The following MEGF10 variants were observed in gnomAD, a reference collection of about 807,000 sequenced individuals.
The protein encoded by MEGF10 is multiple EGF like domains 10, also known as multiple epidermal growth factor-like domains protein 10.
A neutral mutation model predicts 147.5 loss-of-function variants in MEGF10; 86 were observed. The observed-to-expected ratio is 0.58, with a 90% CI of 0.49 to 0.70. The LOEUF is 0.70. Among genes scored for constraint, MEGF10 ranks in the 30% least tolerant of loss-of-function variants. The pLI is 0.00. For missense variants in MEGF10, 1,329 were observed against 1,487.3 expected (o/e 0.89, Z 1.75); for synonymous variants, 478 against 525.5 (o/e 0.91, Z 1.24).
chr5:127,455,854 T>G (rs1580893997), intron 24 of MEGF10, among the ~76,000 whole-genome samples: 1 of 152,066 alleles, frequency 6.6e-6, no homozygotes, highest in East Asian at 1.9e-4. Flanking sequence ...ATCCTCCCAC[T>G]TCAGCCTCCC....
the MEGF10 span, among the ~76,000 whole-genome samples, chr5:127,250,204 T>TAAA: frequency 4.0e-5 from 6 of 151,888 alleles, no homozygotes; most frequent in Admixed American, 6.6e-5. Context: ...TACTATAGAT[T>TAAA]AAAAAAACTT....
At chr5:127,243,972 G>A in the MEGF10 span, among the ~76,000 whole-genome samples, 3 of 152,080 alleles carry the variant, frequency 2.0e-5, no homozygotes, top group Middle Eastern at 3.4e-3. Context: ...GGAGGCAGGC[G>A]GATCACCTGA....
intron 4 of MEGF10, among the ~76,000 whole-genome samples, chr5:127,358,043 G>T (rs1161389067): frequency 6.6e-6 from 1 of 152,190 alleles, no homozygotes; most frequent in Non-Finnish European, 1.5e-5. Flanking sequence ...AGGTTCTGCT[G>T]CCAGCTTTCT....
chr5:127,329,886 A>G (rs1009817410), intron 1 of MEGF10, among the ~76,000 whole-genome samples: 1 of 152,180 alleles, frequency 6.6e-6, no homozygotes, highest in African/African-American at 2.4e-5. Context: ...TGTGATTCTC[A>G]GGTGCAAACC....
chr5:127,450,020 C>T (rs768010960), intron 22 of MEGF10, among the ~76,000 whole-genome samples: 24 of 151,948 alleles, frequency 1.6e-4, no homozygotes, highest in Non-Finnish European at 1.5e-4. Context: ...TCAAAATTAG[C>T]GAGAAGAGCA....
At chr5:127,266,164 T>C in the MEGF10 span, among the ~76,000 whole-genome samples, 1 of 151,906 alleles carries the variant, frequency 6.6e-6, no homozygotes, top group Non-Finnish European at 1.5e-5. Context: ...CCAGCACCAT[T>C]TATTAAATAG....
intron 1 of MEGF10, among the ~76,000 whole-genome samples, chr5:127,304,935 A>G (rs892024398): frequency 6.6e-6 from 1 of 152,190 alleles, no homozygotes; most frequent in Non-Finnish European, 1.5e-5. Context: ...ATAAGAAATA[A>G]ATTTCTACTG....
chr5:127,247,441 A>G, the MEGF10 span, among the ~76,000 whole-genome samples: 10,356 of 65,942 alleles, frequency 0.16, 3,190 homozygotes, highest in Middle Eastern at 0.36. Flanking sequence ...GAAGAAGAAG[A>G]AGAAGAAGAA....
intron 1 of MEGF10, among the ~76,000 whole-genome samples, chr5:127,313,140 G>C (rs750149993): frequency 6.6e-6 from 1 of 152,186 alleles, no homozygotes; most frequent in African/African-American, 2.4e-5. Context: ...GATTGTGAAG[G>C]CTGGTTCTCT....
chr5:127,423,326 CCTT>C (rs761699010), intron 13 of MEGF10, among the ~76,000 whole-genome samples: 19 of 152,156 alleles, frequency 1.2e-4, no homozygotes, highest in Non-Finnish European at 1.5e-4. Context: ...GGGAGTTTCT[CCTT>C]ATTTATATAG....
chr5:127,323,719 A>G (rs1312017428), intron 1 of MEGF10, among the ~76,000 whole-genome samples: 1 of 152,220 alleles, frequency 6.6e-6, no homozygotes, highest in Non-Finnish European at 1.5e-5. Context: ...TCTGTGGGCT[A>G]GGAAGTTGAG....
At chr5:127,348,427 C>A (rs1324775173) in intron 4 of MEGF10, among the ~76,000 whole-genome samples, 2 of 151,936 alleles carry the variant, frequency 1.3e-5, no homozygotes, top group African/African-American at 4.8e-5. Context: ...ATCAAAAATA[C>A]TTTTTTGATT....
intron 1 of MEGF10, among the ~76,000 whole-genome samples, chr5:127,315,858 C>A (rs748166550): frequency 1.3e-5 from 2 of 152,130 alleles, no homozygotes; most frequent in African/African-American, 2.4e-5. Context: ...TAATAAAAAT[C>A]TTTTTATTTT....
intron 5 of MEGF10, among the ~76,000 whole-genome samples, chr5:127,391,133 CACACACACACACACACACACA>C (rs1763669539): frequency 7.9e-6 from 1 of 127,120 alleles, no homozygotes; most frequent in African/African-American, 2.7e-5. Flanking sequence ...CACACACACA[CACACACACACACACACACACA>C]TACATGCTTA....
At chr5:127,369,359 T>C (rs373344823) in intron 4 of MEGF10, among the ~76,000 whole-genome samples, 1 of 152,282 alleles carries the variant, frequency 6.6e-6, no homozygotes, top group African/African-American at 2.4e-5. Context: ...CCCAAAGACC[T>C]GGGTGGCATT....
Position 127,331,436 on chromosome 5 carries a change from G to C in MEGF10, c.116+12G>C, listed in dbSNP as rs775584154. The C allele has an allele frequency of 1.9e-5, 28 of 1,497,976 alleles. No individual in the cohort carries two copies. In the Middle Eastern group the frequency reaches 5.1e-4, roughly 27 times the overall value. The allele number at this position is 1,497,976 out of a possible 1,614,324, so 92.8% of individuals were successfully genotyped here. A position where few individuals can be genotyped will look rare whatever the true frequency, so the allele number is the denominator to read the frequency against. Reference sequence around the variant, plus strand: ...AGCCACTGGGAAAGGTAATGGTTTTGAAAGGAGCCTGACAAAGAATTGCTG... The same window carrying C: ...AGCCACTGGGAAAGGTAATGGTTTTCAAAGGAGCCTGACAAAGAATTGCTG... On this transcript the variant is annotated intron_variant, in intron 2 of 24. Coordinates refer to ENST00000503335, the MANE Select transcript of MEGF10 (RefSeq NM_001256545.2).
intron 9 of MEGF10, among the ~76,000 whole-genome samples, chr5:127,413,631 C>T (rs1480207153): frequency 6.6e-6 from 1 of 152,194 alleles, no homozygotes; most frequent in African/African-American, 2.4e-5. Context: ...ACAAAGCAAT[C>T]TGTTCTTTAG....
chr5:127,276,135 T>C, the MEGF10 span, among the ~76,000 whole-genome samples: 7,130 of 152,278 alleles, frequency 0.047, 275 homozygotes, highest in African/African-American at 0.1. Context: ...GCACTGCACT[T>C]AGTGAAACAA....
chr5:127,340,324 G>A (rs1397264958), intron 3 of MEGF10, among the ~76,000 whole-genome samples: 1 of 152,130 alleles, frequency 6.6e-6, no homozygotes, highest in Non-Finnish European at 1.5e-5. Context: ...TAAGATAAGT[G>A]AAAGAGGGAA....
Sources: gnomAD v4.1 joint callset for allele counts (sites outside exome capture counted in the v4.1 genomes callset) on GRCh38, gnomAD v4.1.1 for gene constraint, MANE v1.5 for transcripts, NCBI Gene and HGNC (gene_info 2026-07-23, HGNC 2026-07-21) for gene names.